ADAP1: variants seen among roughly 807,000 people sequenced by gnomAD.
The protein encoded by ADAP1 is arf-GAP with dual PH domain-containing protein 1.
A neutral mutation model predicts 54.9 loss-of-function variants in ADAP1; 31 were observed. The ratio of observed to expected loss-of-function variants is 0.56; its 90% CI spans 0.42 to 0.76. The LOEUF is 0.76. Ranked by LOEUF, ADAP1 falls within the 30% of genes least tolerant of loss-of-function variation. The pLI is 0.00. For missense variants in ADAP1, 535 were observed against 512.4 expected, an observed-to-expected ratio of 1.04 and a Z score of -0.42; for synonymous variants, 313 against 202.6, an observed-to-expected ratio of 1.55 and a Z score of -4.63.
In ADAP1 at chr7:945,558, G is replaced by A. The variant is rs949470732; in HGVS notation, c.82+8838C>T. Among the ~76,000 whole-genome samples the A allele has an allele frequency of 1.3e-5, 2 of 152,260 alleles. No individual in the cohort carries two copies. The highest frequency in any genetic ancestry group is 4.8e-5 in the African/African-American group (2 of 41,472). On this transcript the variant is annotated intron_variant, in intron 1 of 10. Coordinates refer to ENST00000265846, the MANE Select transcript of ADAP1 (RefSeq NM_006869.4). The surrounding 1 kb of genome is among the most constrained non-coding windows in gnomAD (Gnocchi z 4.2). The stretch of plus-strand genomic sequence containing the variant: ...GCCACAAGGCCAGCAGGTACACACT[G>A]GGCCCAAGGGTGGCTGCGGCATGGC...
In ADAP1 at chr7:939,402, A is replaced by G. The variant is rs570903405; in HGVS notation, c.83-3897T>C. On this transcript the variant is annotated intron_variant, in intron 1 of 10. Transcript: ENST00000265846. ...GCCCGGCTAATTTTCTATTTTTAGT[A>G]GAGATGTGGTTTCACCATGTTGGCC... Among the ~76,000 whole-genome samples the G allele has an allele frequency of 2.0e-5, 3 of 151,726 alleles. No individual in the cohort carries two copies. The East Asian group carries it at 5.9e-4, about 30-fold the overall frequency.
chr7:905,201 G>T, intron 4 of ADAP1, 29 bp from the exon 5 acceptor site: 1 of 1,572,824 alleles, frequency 6.4e-7, no homozygotes, highest in South Asian at 1.1e-5. Context: ...ACGAGTCGGT[G>T]ACAGTGGATG....
At chr7:899,515 C>T (rs745837659) in intron 8 of ADAP1, 25 bp from the exon 9 acceptor site, 2 of 1,608,872 alleles carry the variant, frequency 1.2e-6, no homozygotes, top group Admixed American at 1.7e-5. Context: ...GGGCCCGTGA[C>T]CGGCAGGTCG....
intron 1 of ADAP1, among the ~76,000 whole-genome samples, chr7:944,682 C>T (rs1847095106): frequency 6.6e-6 from 1 of 152,230 alleles, no homozygotes; most frequent in South Asian, 2.1e-4. Flanking sequence ...ACACGGCACC[C>T]ATCACCTCAA....
In ADAP1 at chr7:905,107, C is replaced by A. The variant is rs1845043183; in HGVS notation, c.454G>T (p.Val152Leu). The change falls in exon 5 of 11, where the codon GTG becomes TTG. Residue 152 changes from valine to leucine, a missense_variant. Physicochemically the swap from Val to Leu is conservative, Grantham distance 32 (BLOSUM62 1). Transcript: ENST00000265846. ...DNGQFLSRKFVLTEREGALKY... is the reference protein window; with the variant it reads ...DNGQFLSRKFLLTEREGALKY... ...AGAGCACCCTCTCGTTCTGTCAGCA[C>A]AAACTTCCGGCTCAAAAACTGCCCG... 5 of 1,612,490 alleles carry A rather than the reference C, an allele frequency of 3.1e-6. No homozygotes were observed. Among genetic ancestry groups the A allele is most frequent in the Non-Finnish European group, 4.2e-6 (5 of 1,179,916 alleles).
chr7:910,503 T>TC (rs966018313), intron 4 of ADAP1, among the ~76,000 whole-genome samples: 5 of 152,184 alleles, frequency 3.3e-5, no homozygotes, highest in Admixed American at 2.6e-4. Flanking sequence ...CTCCTGCCTC[T>TC]CCTCCCACCA....
At chr7:930,315 C>G (rs1209517311) in intron 2 of ADAP1, among the ~76,000 whole-genome samples, 1 of 148,948 alleles carries the variant, frequency 6.7e-6, no homozygotes, top group Non-Finnish European at 1.5e-5. Flanking sequence ...TACCAGCAAC[C>G]CCTAGAAGAT....
rs1330666824 is a variant in ADAP1 at position 905,411 on chromosome 7, GGGAGAAA to G, written c.389-246_389-240del. ...GAAAGGAGAAAGGAGAAAGGAGAAAGGGAGAAAGAGAAAGGAGAAAGGAGAAAGGGAG... is the reference window on the plus strand; with the variant it reads ...GAAAGGAGAAAGGAGAAAGGAGAAAGGAGAAAGGAGAAAGGAGAAAGGGAG... On this transcript the variant is annotated intron_variant, in intron 4 of 10. Coordinates refer to ENST00000265846, the MANE Select transcript of ADAP1 (RefSeq NM_006869.4). The G allele has an allele frequency of 3.8e-3, 491 of 130,748 alleles. 96 individuals are homozygous for G. The highest frequency in any genetic ancestry group is 4.5e-3 in the African/African-American group (28 of 6,180). The allele number at this position is 130,748 out of a possible 1,614,324, so 8.1% of individuals were successfully genotyped here. A position where few individuals can be genotyped will look rare whatever the true frequency, so the allele number is the denominator to read the frequency against.
At chr7:908,033 C>T (rs1238283145) in intron 4 of ADAP1, among the ~76,000 whole-genome samples, 1 of 152,200 alleles carries the variant, frequency 6.6e-6, no homozygotes, top group Non-Finnish European at 1.5e-5. Context: ...CGTGACCCCT[C>T]AGTGACTTCA....
intron 1 of ADAP1, among the ~76,000 whole-genome samples, chr7:948,377 G>A (rs1847193616): frequency 6.6e-6 from 1 of 151,996 alleles, no homozygotes; most frequent in South Asian, 2.1e-4. Flanking sequence ...CTCCATGGTG[G>A]CCCGAGTTTC....
chr7:899,240 C>A lies in ADAP1; in HGVS notation c.889G>T (p.Val297Phe). 1 of 1,612,814 alleles carries A rather than the reference C, an allele frequency of 6.2e-7. No homozygotes were observed. The highest frequency in any genetic ancestry group is 8.5e-7 in the Non-Finnish European group (1 of 1,179,956). The change falls in exon 10 of 11, where the codon GTC becomes TTC. Residue 297 changes from valine (V) to phenylalanine (F), a missense_variant. Physicochemically the swap from Val to Phe is conservative, Grantham distance 50 (BLOSUM62 -1). Transcript: ENST00000265846. ...DPLDAFARGE[V>F]FIGSKESGYT... ...CCACTCTCCTTGCTGCCAATGAAGA[C>A]TTCCCCTCGGGCGAAGGCGTCCTGT... is the stretch of plus-strand genomic sequence containing the variant.
chr7:908,317 G>T (rs1845565523), intron 4 of ADAP1, among the ~76,000 whole-genome samples: 1 of 152,176 alleles, frequency 6.6e-6, no homozygotes, highest in Admixed American at 6.5e-5. Flanking sequence ...GAGACCAGGG[G>T]CTATTTTCTC....
chr7:941,602 A>G (rs543113436), intron 1 of ADAP1, among the ~76,000 whole-genome samples: 1 of 152,372 alleles, frequency 6.6e-6, no homozygotes, highest in South Asian at 2.1e-4. Flanking sequence ...GAAATGAAAC[A>G]TAGGACACTG....
intron 4 of ADAP1, among the ~76,000 whole-genome samples, chr7:906,797 A>ATG (rs879621135): frequency 1.1e-4 from 4 of 37,350 alleles, no homozygotes; most frequent in Admixed American, 2.4e-4. Flanking sequence ...GGGACGGGAC[A>ATG]GGGGACATGG....
At chr7:904,934 C>CG in intron 5 of ADAP1, 126 bp downstream of exon 5, 1 of 792,134 alleles carries the variant, frequency 1.3e-6, no homozygotes, top group Non-Finnish European at 2.1e-6. Flanking sequence ...TCTCCTGGAG[C>CG]GTCCCCATCG....
upstream of ADAP1, chr7:954,841 C>CA (rs1210866440): frequency 3.2e-5 from 19 of 598,818 alleles, no homozygotes; most frequent in East Asian, 2.7e-3. Context: ...CCGCCCGCCC[C>CA]CCATCCGCGC....
Position 949,773 on chromosome 7 carries a change from C to T in ADAP1, c.82+4623G>A, listed in dbSNP as rs73044451. On this transcript the variant is annotated intron_variant, in intron 1 of 10. Coordinates refer to ENST00000265846, the MANE Select transcript of ADAP1 (RefSeq NM_006869.4). The stretch of plus-strand genomic sequence containing the variant: ...CTCCCAGCCCTGAGTGCCAGCTCAT[C>T]GCCCACACCAGCCCTCCACACCCGG... Among the ~76,000 whole-genome samples, 1,053 of 150,772 alleles carry T rather than the reference C, an allele frequency of 7.0e-3. 15 individuals are homozygous for T. The highest frequency in any genetic ancestry group is 0.017 in the Middle Eastern group (5 of 292).
chr7:944,113 TG>T (rs1847079791), intron 1 of ADAP1, among the ~76,000 whole-genome samples: 2 of 152,014 alleles, frequency 1.3e-5, no homozygotes. Flanking sequence ...AACAAGGTAT[TG>T]CTATATTGCC....
At chr7:952,131 C>T (rs1847286839) in intron 1 of ADAP1, among the ~76,000 whole-genome samples, 1 of 152,096 alleles carries the variant, frequency 6.6e-6, no homozygotes, top group African/African-American at 2.4e-5. Flanking sequence ...ATGAGAGGCT[C>T]TCTGGGTGGC....
Sources: gnomAD v4.1 joint callset for allele counts (sites outside exome capture counted in the v4.1 genomes callset) on GRCh38, gnomAD v4.1.1 for gene constraint, Gnocchi (gnomAD v3.1) non-coding constraint, MANE v1.5 for transcripts, NCBI Gene and HGNC (gene_info 2026-07-23, HGNC 2026-07-21) for gene names.